UGDH: variants seen among roughly 807,000 people sequenced by gnomAD.
UGDH encodes UDP-Glc dehydrogenase.
Under a neutral mutation model 50.6 loss-of-function variants are expected in UGDH, and 38 were observed. The observed-to-expected ratio is 0.75, with a 90% CI of 0.58 to 0.98. The LOEUF is 0.98. Among genes scored for constraint, UGDH ranks in the 50% least tolerant of loss-of-function variants. The pLI is 0.00. For missense variants in UGDH, 465 were observed against 606.2 expected (o/e 0.77, Z 2.45); for synonymous variants, 168 against 199.9 (o/e 0.84, Z 1.35).
intron 11 of UGDH, among the ~76,000 whole-genome samples, chr4:39,500,653 CT>C (rs11284301): frequency 0.41 from 55,654 of 134,878 alleles, 11,412 homozygotes; most frequent in Non-Finnish European, 0.51. Flanking sequence ...GCATAATTCT[CT>C]TTTTTTTTTT....
At chr4:39,519,860 TTC>T (rs1388472128) in intron 2 of UGDH, among the ~76,000 whole-genome samples, 1 of 152,178 alleles carries the variant, frequency 6.6e-6, no homozygotes, top group African/African-American at 2.4e-5. Flanking sequence ...CTAAATCTGA[TTC>T]AGATATAATA....
In UGDH at chr4:39,503,990, A is replaced by G; in HGVS notation, c.1264-5T>C. ...AATGCGTTCATAATCCAATTCCTGT[A>G]AAGACAAACCACAGGAACAATTAAA... On this transcript the variant is annotated splice_region_variant and splice_polypyrimidine_tract_variant and intron_variant, in intron 10 of 11. Transcript: ENST00000316423. 3 of 1,611,704 alleles carry G rather than the reference A, an allele frequency of 1.9e-6. No individual in the cohort carries two copies. Among genetic ancestry groups the G allele is most frequent in the Non-Finnish European group, 2.5e-6 (3 of 1,177,930 alleles).
Position 39,503,864 on chromosome 4 carries a change from A to T in UGDH, c.1374+11T>A. The T allele has an allele frequency of 6.2e-7, 1 of 1,609,006 alleles. No homozygotes were observed. Among genetic ancestry groups the T allele is most frequent in the Non-Finnish European group, 8.5e-7 (1 of 1,176,250 alleles). ...ACAAAAAGAAAAAAAACAATCCAGG[A>T]TCATGATTACCTGGAAGCCAATGGT... On this transcript the variant is annotated intron_variant, in intron 11 of 11. Coordinates refer to ENST00000316423, the MANE Select transcript of UGDH (RefSeq NM_003359.4).
chr4:39,505,826 G>A, intron 7 of UGDH, 78 bp from the exon 8 acceptor site: 1 of 1,422,650 alleles, frequency 7.0e-7, no homozygotes, highest in South Asian at 1.5e-5. Context: ...AGAATTTTAT[G>A]GTGAGTGCTA....
chr4:39,519,599 C>T (rs1408542227), intron 2 of UGDH, among the ~76,000 whole-genome samples: 2 of 151,838 alleles, frequency 1.3e-5, no homozygotes, highest in East Asian at 1.9e-4. Context: ...AGTACAATGG[C>T]GTGATCTCGG....
chr4:39,505,760 T>G lies in UGDH; in HGVS notation c.907-12A>C. ...TTCATGTCTATGACCTGAAATTACA[T>G]GTACAATTGTGCAATGATTAGTTAA... On this transcript the variant is annotated splice_polypyrimidine_tract_variant and intron_variant, in intron 7 of 11. Coordinates refer to ENST00000316423, the MANE Select transcript of UGDH (RefSeq NM_003359.4). 2 of 1,597,826 alleles carry G rather than the reference T, an allele frequency of 1.3e-6. No individual in the cohort carries two copies. Among genetic ancestry groups the G allele is most frequent in the East Asian group, 2.2e-5 (1 of 44,632 alleles).
chr4:39,502,712 C>T (rs1402416174), intron 11 of UGDH, among the ~76,000 whole-genome samples: 1 of 152,118 alleles, frequency 6.6e-6, no homozygotes, highest in African/African-American at 2.4e-5. Context: ...TGGGTGGAGG[C>T]TTCTGTCAGC....
chr4:39,514,001 A>G (rs1402326921), intron 3 of UGDH, 82 bp downstream of exon 3: 4 of 1,190,824 alleles, frequency 3.4e-6, no homozygotes, highest in African/African-American at 1.8e-5. Flanking sequence ...CTTAATACCA[A>G]TGGATTTACT....
intron 2 of UGDH, among the ~76,000 whole-genome samples, chr4:39,515,462 A>C (rs1286223431): frequency 6.7e-6 from 1 of 150,164 alleles, no homozygotes; most frequent in African/African-American, 2.5e-5. Flanking sequence ...AATAAATATA[A>C]ATTTTTCTAA....
At chr4:39,513,234 T>C (rs980332184) in intron 3 of UGDH, among the ~76,000 whole-genome samples, 11 of 152,188 alleles carry the variant, frequency 7.2e-5, no homozygotes, top group Non-Finnish European at 1.6e-4. Flanking sequence ...TTGGTTCAAA[T>C]AGTGGTTTAC....
rs553385278 is a variant in UGDH at position 39,521,287 on chromosome 4, T to C, written c.162+64A>G. ...TAGATTTTTATATTAATAGTGCATA[T>C]AAATGATATAATAAAGACAGTAAGA... On this transcript the variant is annotated intron_variant, in intron 2 of 11. Coordinates refer to ENST00000316423, the MANE Select transcript of UGDH (RefSeq NM_003359.4). 15 of 1,423,742 alleles carry C rather than the reference T, an allele frequency of 1.1e-5. No individual in the cohort carries two copies. In the East Asian group the frequency reaches 2.7e-4, roughly 26 times the overall value. 88.2% of individuals were successfully genotyped at this position (1,423,742 alleles called of 1,614,324 possible). A position where few individuals can be genotyped will look rare whatever the true frequency, so the allele number is the denominator to read the frequency against.
intron 7 of UGDH, among the ~76,000 whole-genome samples, chr4:39,506,590 G>A (rs948557786): frequency 3.9e-5 from 6 of 152,200 alleles, no homozygotes; most frequent in Non-Finnish European, 8.8e-5. Flanking sequence ...ACAACTATTT[G>A]ACAAGGTTTT....
At position 39,500,955 on chromosome 4, in the gene UGDH, G is replaced by A. The variant is rs1265184048; in HGVS notation, c.1375-702C>T. 2.1e-5 allele frequency among the ~76,000 whole-genome samples: 3 copies of A among 139,588 alleles called. No individual in the cohort carries two copies. In the East Asian group the frequency reaches 6.6e-4, roughly 31 times the overall value. The allele number at this position is 139,588 out of a possible 152,430, so 91.6% of individuals were successfully genotyped here. A position where few individuals can be genotyped will look rare whatever the true frequency, so the allele number is the denominator to read the frequency against. On this transcript the variant is annotated intron_variant, in intron 11 of 11. Coordinates refer to ENST00000316423, the MANE Select transcript of UGDH (RefSeq NM_003359.4). Reference sequence around the variant, plus strand: ...CGGCGTGAGCCACTGTGCCCGAATGGTAACAGCATAATGCTTTTTTTTTTT... The same window carrying A: ...CGGCGTGAGCCACTGTGCCCGAATGATAACAGCATAATGCTTTTTTTTTTT...
chr4:39,521,906 T>C (rs547061343), intron 1 of UGDH, among the ~76,000 whole-genome samples: 1 of 152,362 alleles, frequency 6.6e-6, no homozygotes, highest in African/African-American at 2.4e-5. Flanking sequence ...TGTACGATTC[T>C]TGCTTAAATA....
chr4:39,525,673 AT>A (rs370930187), intron 1 of UGDH, among the ~76,000 whole-genome samples: 2 of 148,152 alleles, frequency 1.3e-5, no homozygotes. Context: ...CGCCCGGCTA[AT>A]TTTTTTTTGT....
At chr4:39,515,723 A>G (rs897001844) in intron 2 of UGDH, among the ~76,000 whole-genome samples, 7 of 152,200 alleles carry the variant, frequency 4.6e-5, no homozygotes, top group African/African-American at 1.7e-4. Context: ...TTTTTTTGAG[A>G]CAGTCTTGCT....
chr4:39,501,276 A>ATTTT (rs71192870), intron 11 of UGDH, among the ~76,000 whole-genome samples: 1 of 132,268 alleles, frequency 7.6e-6, no homozygotes, highest in Admixed American at 7.7e-5. Context: ...AACAGCATAA[A>ATTTT]TTTTTTTTTT....
At chr4:39,504,296 A>C in intron 10 of UGDH, 121 bp downstream of exon 10, 1 of 842,068 alleles carries the variant, frequency 1.2e-6, no homozygotes. Flanking sequence ...CGACAGAGCG[A>C]GACTCCATCT....
At chr4:39,502,405 A>G (rs1578261311) in intron 11 of UGDH, among the ~76,000 whole-genome samples, 1 of 152,352 alleles carries the variant, frequency 6.6e-6, no homozygotes, top group South Asian at 2.1e-4. Flanking sequence ...AGAGGTTAAG[A>G]GAACCAGATC....
Sources: gnomAD v4.1 joint callset for allele counts (sites outside exome capture counted in the v4.1 genomes callset) on GRCh38, gnomAD v4.1.1 for gene constraint, MANE v1.5 for transcripts, NCBI Gene and HGNC (gene_info 2026-07-23, HGNC 2026-07-21) for gene names.